TEX11: variants seen among roughly 807,000 people sequenced by gnomAD.
TEX11 encodes testis expressed 11.
In TEX11, 7 loss-of-function variants were observed where a neutral mutation model predicts 84.4. The observed-to-expected ratio is 0.08, with a 90% CI of 0.05 to 0.16. TEX11 has a LOEUF of 0.16. Ranked by LOEUF, TEX11 falls within the 10% of genes least tolerant of loss-of-function variation. TEX11 has a pLI of 1.00. For synonymous variants in TEX11, 264 were observed against 222.8 expected (o/e 1.18, Z -1.64); for missense variants, 551 against 660.5 (o/e 0.83, Z 1.82).
intron 9 of TEX11, among the ~76,000 whole-genome samples, chrX:70,776,598 A>T (rs940165664): frequency 2.7e-5 from 3 of 110,049 alleles, no homozygotes; most frequent in African/African-American, 9.9e-5. Context: ...AATGAGATAC[A>T]GTCATTTGCA....
chrX:70,520,978 C>T, the TEX11 span, among the ~76,000 whole-genome samples: 1 of 112,253 alleles, frequency 8.9e-6, no homozygotes, highest in African/African-American at 3.2e-5. Flanking sequence ...GTGCCGTTTG[C>T]TAAGACCGTT....
chrX:70,825,934 C>T (rs1158028827), intron 8 of TEX11, among the ~76,000 whole-genome samples: 4 of 110,028 alleles, frequency 3.6e-5, no homozygotes, highest in Admixed American at 9.7e-5. Context: ...GCTGAGATCG[C>T]GCCACTGCAC....
chrX:70,695,540 C>T (rs752526524), intron 13 of TEX11, among the ~76,000 whole-genome samples: 14 of 111,598 alleles, frequency 1.3e-4, no homozygotes, highest in African/African-American at 2.9e-4. Flanking sequence ...ATCCTGATTG[C>T]GATAATGGGT....
At chrX:70,664,259 A>G (rs1296875863) in intron 16 of TEX11, among the ~76,000 whole-genome samples, 1 of 111,791 alleles carries the variant, frequency 8.9e-6, no homozygotes, top group Non-Finnish European at 1.9e-5. Flanking sequence ...AGTCAATAAA[A>G]TGTACCAAGT....
intron 25 of TEX11, among the ~76,000 whole-genome samples, chrX:70,585,976 A>G (rs1434190534): frequency 3.5e-5 from 4 of 112,712 alleles, no homozygotes; most frequent in Non-Finnish European, 5.6e-5. Flanking sequence ...CACTTGAACC[A>G]GGGAGGAGGA....
intron 17 of TEX11, among the ~76,000 whole-genome samples, chrX:70,637,350 G>C (rs2089587617): frequency 8.9e-6 from 1 of 112,760 alleles, no homozygotes; most frequent in Non-Finnish European, 1.9e-5. Flanking sequence ...GTGGAAGACA[G>C]TATGGTGATT....
At chrX:70,602,702 G>A (rs901618379) in intron 24 of TEX11, among the ~76,000 whole-genome samples, 27 of 107,631 alleles carry the variant, frequency 2.5e-4, no homozygotes, top group Admixed American at 7.0e-4. Context: ...TTCTGGCCAC[G>A]GCAATTAGGC....
chrX:70,658,372 G>C (rs926646757), intron 16 of TEX11, among the ~76,000 whole-genome samples: 18 of 111,476 alleles, frequency 1.6e-4, no homozygotes, highest in Admixed American at 5.7e-4. Context: ...AGCCGAGATA[G>C]CACAACTGCT....
chrX:70,744,059 A>G (rs2090752289), intron 10 of TEX11, 106 bp downstream of exon 10: 1 of 334,120 alleles, frequency 3.0e-6, no homozygotes, highest in African/African-American at 2.7e-5. Context: ...TGTTGTGCCC[A>G]ATAGCTAATC....
At chrX:70,797,217 G>GCC (rs769798305) in intron 9 of TEX11, among the ~76,000 whole-genome samples, 1 of 112,101 alleles carries the variant, frequency 8.9e-6, no homozygotes, top group Non-Finnish European at 1.9e-5. Context: ...CAACCTTGCT[G>GCC]CCCATCAATG....
chrX:70,773,878 C>G (rs2090985688), intron 9 of TEX11, among the ~76,000 whole-genome samples: 1 of 111,420 alleles, frequency 9.0e-6, no homozygotes, highest in Admixed American at 9.6e-5. Flanking sequence ...AGGCAGCTTG[C>G]TTGGCCAAGA....
intron 25 of TEX11, among the ~76,000 whole-genome samples, chrX:70,565,547 TAA>T (rs1473941994): frequency 4.5e-5 from 5 of 111,624 alleles, no homozygotes; most frequent in Non-Finnish European, 9.4e-5. Flanking sequence ...GTCTAACGTT[TAA>T]GTCTTTAATC....
chrX:70,817,874 G>A (rs757256124), intron 8 of TEX11, among the ~76,000 whole-genome samples: 95 of 111,975 alleles, frequency 8.5e-4, no homozygotes, highest in Non-Finnish European at 1.5e-3. Flanking sequence ...AAGGAATGAC[G>A]TGCTCAAAAG....
intron 25 of TEX11, among the ~76,000 whole-genome samples, chrX:70,587,660 T>C (rs1369143087): frequency 8.9e-6 from 1 of 112,003 alleles, no homozygotes; most frequent in Non-Finnish European, 1.9e-5. Context: ...GGAAGGGAAA[T>C]GTGGGGTTGG....
intron 11 of TEX11, among the ~76,000 whole-genome samples, chrX:70,726,948 C>A: frequency 9.0e-6 from 1 of 110,762 alleles, no homozygotes; most frequent in African/African-American, 3.3e-5. Flanking sequence ...ATCCTCCTGT[C>A]TCAGCCTCCC....
At chrX:70,525,151 G>T (rs1275028411), downstream of TEX11, among the ~76,000 whole-genome samples, 1 of 111,214 alleles carries the variant, frequency 9.0e-6, no homozygotes, top group East Asian at 2.8e-4. Flanking sequence ...ACTGCACTGT[G>T]GCCTGGGTGA....
chrX:70,523,531 T>G, the TEX11 span, among the ~76,000 whole-genome samples: 1 of 111,229 alleles, frequency 9.0e-6, no homozygotes, highest in South Asian at 3.8e-4. Flanking sequence ...TGGCGCGATC[T>G]CGGCTCACTG....
At chrX:70,567,487 T>C (rs958305678) in intron 25 of TEX11, among the ~76,000 whole-genome samples, 4 of 111,240 alleles carry the variant, frequency 3.6e-5, no homozygotes, top group South Asian at 3.8e-4. Flanking sequence ...GTTCTTTTAA[T>C]TGTGATGTTA....
At chrX:70,512,553 G>A in the TEX11 span, among the ~76,000 whole-genome samples, 1 of 107,858 alleles carries the variant, frequency 9.3e-6, no homozygotes, top group Non-Finnish European at 1.9e-5. Context: ...CCCTCCTTTG[G>A]AATCTCAGTA....
Sources: allele counts gnomAD v4.1 joint callset (sites outside exome capture counted in the v4.1 genomes callset), GRCh38; gene constraint gnomAD v4.1.1; transcripts MANE v1.5; gene names NCBI Gene and HGNC (gene_info 2026-07-23, HGNC 2026-07-21).